Variants in CCDC178 observed in about 807,000 individuals in gnomAD.
CCDC178 encodes the protein coiled-coil domain-containing protein 178.
CCDC178 carries 126 observed loss-of-function variants against 117.4 expected under a neutral mutation model. That is an observed-to-expected ratio of 1.07 (90% CI 0.93 to 1.24). CCDC178 has a LOEUF of 1.24. Among genes scored for constraint, CCDC178 ranks in the 50% most tolerant of loss-of-function variants. The pLI is 0.00. For missense variants in CCDC178, 1,030 were observed against 986.9 expected, an observed-to-expected ratio of 1.04 and a Z score of -0.59; for synonymous variants, 283 against 313.4, an observed-to-expected ratio of 0.90 and a Z score of 1.02.
intron 22 of CCDC178, among the ~76,000 whole-genome samples, chr18:32,958,418 C>A (rs764827894): frequency 3.4e-4 from 52 of 152,128 alleles, no homozygotes; most frequent in Non-Finnish European, 6.0e-4. Context: ...AGATAATCTG[C>A]TTTGTAACCA....
chr18:33,403,411 G>T (rs1456555323), intron 3 of CCDC178, among the ~76,000 whole-genome samples: 1 of 150,770 alleles, frequency 6.6e-6, no homozygotes, highest in African/African-American at 2.4e-5. Flanking sequence ...CCCTAGAGAA[G>T]AAGAACAATC....
At chr18:33,290,999 G>T (rs1328903115) in intron 12 of CCDC178, among the ~76,000 whole-genome samples, 1 of 152,062 alleles carries the variant, frequency 6.6e-6, no homozygotes, top group African/African-American at 2.4e-5. Context: ...TCCAAAAATT[G>T]TAGAAATAGC....
chr18:33,264,413 A>G (rs941298618), intron 14 of CCDC178, among the ~76,000 whole-genome samples: 1 of 152,028 alleles, frequency 6.6e-6, no homozygotes, highest in Non-Finnish European at 1.5e-5. Flanking sequence ...TCTTGCCTGC[A>G]AATCTCTTAA....
intron 2 of CCDC178, among the ~76,000 whole-genome samples, chr18:33,416,288 G>C (rs760892037): frequency 6.6e-6 from 1 of 152,084 alleles, no homozygotes; most frequent in South Asian, 2.1e-4. Context: ...TTAGCCGGGC[G>C]TGGTGGCGGG....
chr18:33,377,774 T>C (rs1282323203), intron 5 of CCDC178, among the ~76,000 whole-genome samples: 4 of 152,164 alleles, frequency 2.6e-5, no homozygotes, highest in Non-Finnish European at 2.9e-5. Flanking sequence ...GAGGTTTTAC[T>C]TCTAGGTTCT....
chr18:33,064,426 A>G (rs2056977547), intron 21 of CCDC178, among the ~76,000 whole-genome samples: 1 of 152,232 alleles, frequency 6.6e-6, no homozygotes, highest in Admixed American at 6.5e-5. Context: ...GAGCACTCCA[A>G]CAATAGACTA....
intron 15 of CCDC178, among the ~76,000 whole-genome samples, chr18:33,242,696 A>T (rs2059502306): frequency 1.3e-5 from 2 of 152,016 alleles, no homozygotes; most frequent in South Asian, 2.1e-4. Context: ...TGCAAATCAA[A>T]ACCACAACTG....
At chr18:33,415,028 G>T (rs1162428837) in intron 2 of CCDC178, among the ~76,000 whole-genome samples, 1 of 152,148 alleles carries the variant, frequency 6.6e-6, no homozygotes, top group South Asian at 2.1e-4. Flanking sequence ...TTAGAATGGC[G>T]ATCATTAAAA....
chr18:33,252,089 T>G (rs2059624354), intron 14 of CCDC178, among the ~76,000 whole-genome samples: 1 of 151,692 alleles, frequency 6.6e-6, no homozygotes, highest in Non-Finnish European at 1.5e-5. Flanking sequence ...GTAGAGTAAG[T>G]TAGAAAAAGA....
chr18:33,246,007 A>T (rs2059545185), intron 14 of CCDC178, among the ~76,000 whole-genome samples: 1 of 151,910 alleles, frequency 6.6e-6, no homozygotes, highest in African/African-American at 2.4e-5. Context: ...AAGGTACAAA[A>T]TTATCCCTGT....
chr18:33,051,771 T>C (rs756533800), intron 21 of CCDC178, among the ~76,000 whole-genome samples: 1 of 152,194 alleles, frequency 6.6e-6, no homozygotes, highest in African/African-American at 2.4e-5. Context: ...TCCTTAGATA[T>C]ATTTTTAAAC....
At chr18:33,109,530 C>T (rs1290944340) in intron 20 of CCDC178, among the ~76,000 whole-genome samples, 4 of 151,450 alleles carry the variant, frequency 2.6e-5, no homozygotes, top group African/African-American at 9.7e-5. Flanking sequence ...CAGCATATGT[C>T]GTTATAGGGA....
intron 21 of CCDC178, among the ~76,000 whole-genome samples, chr18:33,018,947 G>A (rs1196619316): frequency 6.6e-6 from 1 of 152,100 alleles, no homozygotes; most frequent in Non-Finnish European, 1.5e-5. Flanking sequence ...AATAACCAGA[G>A]CTGGTATAAT....
intron 21 of CCDC178, among the ~76,000 whole-genome samples, chr18:33,036,909 C>T (rs892567883): frequency 6.6e-6 from 1 of 151,734 alleles, no homozygotes; most frequent in Non-Finnish European, 1.5e-5. Flanking sequence ...CTGAGAGAGA[C>T]AATAGATTCA....
intron 21 of CCDC178, among the ~76,000 whole-genome samples, chr18:32,988,055 C>T (rs906654233): frequency 2.7e-5 from 4 of 148,930 alleles, no homozygotes; most frequent in Non-Finnish European, 5.9e-5. Flanking sequence ...CCAGCCTGGG[C>T]AACAAGAGTG....
intron 21 of CCDC178, among the ~76,000 whole-genome samples, chr18:33,011,569 C>A (rs973815526): frequency 2.0e-5 from 3 of 151,688 alleles, no homozygotes; most frequent in Non-Finnish European, 4.4e-5. Flanking sequence ...ACTCAGGCCT[C>A]TATGGTTCCA....
chr18:32,991,553 T>C (rs573234572), intron 21 of CCDC178, among the ~76,000 whole-genome samples: 1 of 152,350 alleles, frequency 6.6e-6, no homozygotes, highest in African/African-American at 2.4e-5. Flanking sequence ...GGTAGTTTTA[T>C]TTCAAAATGG....
chr18:33,042,147 A>C (rs1043265653), intron 21 of CCDC178, among the ~76,000 whole-genome samples: 13 of 152,030 alleles, frequency 8.6e-5, no homozygotes, highest in African/African-American at 3.1e-4. Flanking sequence ...CCAACTACCA[A>C]CCTACAAATT....
intron 21 of CCDC178, among the ~76,000 whole-genome samples, chr18:32,993,768 C>T (rs1411244647): frequency 6.6e-6 from 1 of 152,160 alleles, no homozygotes; most frequent in Non-Finnish European, 1.5e-5. Context: ...GTGTCCCCTG[C>T]ACCTGATTCA....
Sources: gnomAD v4.1 joint callset for allele counts (sites outside exome capture counted in the v4.1 genomes callset) on GRCh38, gnomAD v4.1.1 for gene constraint, MANE v1.5 for transcripts, NCBI Gene and HGNC (gene_info 2026-07-23, HGNC 2026-07-21) for gene names.